Variants in ZNF484 observed in about 807,000 individuals in gnomAD.
ZNF484 encodes KRAB box containing C2H2 type zinc finger bA526D8.4.
A neutral mutation model predicts 12.9 loss-of-function variants in ZNF484; 11 were observed. That is an observed-to-expected ratio of 0.85 (90% CI 0.54 to 1.41). ZNF484 has a LOEUF of 1.41. Ranked by LOEUF, ZNF484 falls within the 40% of genes most tolerant of loss-of-function variation. The probability of loss-of-function intolerance (pLI) is 0.00; values close to 1 mark genes in which losing one functional copy is unlikely to be tolerated. For synonymous variants in ZNF484, 289 were observed against 334.1 expected (o/e 0.86, Z 1.47); for missense variants, 807 against 1,007.7 (o/e 0.80, Z 2.70).
At position 92,850,642 on chromosome 9, in the gene ZNF484, G is replaced by A. The variant is rs564254045; in HGVS notation, c.236-2091C>T. Among the ~76,000 whole-genome samples the A allele has an allele frequency of 2.6e-5, 4 of 152,268 alleles. 1 individual carries two copies. In the South Asian group the frequency reaches 8.3e-4, roughly 32 times the overall value. On this transcript the variant is annotated intron_variant, in intron 4 of 4. Transcript: ENST00000375495. ...CAGGCTGGAGTGGCTGGAGTGCAAT[G>A]GCGCGATCTCGGCTCACTGCAACCT...
At chr9:92,863,909 A>G (rs1035928005) in intron 2 of ZNF484, among the ~76,000 whole-genome samples, 2 of 152,354 alleles carry the variant, frequency 1.3e-5, no homozygotes, top group South Asian at 2.1e-4. Context: ...CACCTGATAA[A>G]GGAGAATGTA....
Position 92,877,951 on chromosome 9 carries a change from G to T in ZNF484, c.-92C>A. The T allele has an allele frequency of 5.8e-6, 8 of 1,373,942 alleles. No homozygotes were observed. Among genetic ancestry groups the T allele is most frequent in the Non-Finnish European group, 8.0e-6 (8 of 1,003,662 alleles). 85.1% of individuals were successfully genotyped at this position (1,373,942 alleles called of 1,614,324 possible). A position where few individuals can be genotyped will look rare whatever the true frequency, so the allele number is the denominator to read the frequency against. ...TTTGCCTCGGGAGGTGACTATAGTC[G>T]CAAGAACCAGAACAGGACCCACTTC... is the stretch of plus-strand genomic sequence containing the variant. On this transcript the variant is annotated 5_prime_UTR_variant, in exon 1 of 5. Transcript: ENST00000375495.
At chr9:92,851,928 G>A (rs1383103929) in intron 4 of ZNF484, among the ~76,000 whole-genome samples, 1 of 152,198 alleles carries the variant, frequency 6.6e-6, no homozygotes, top group Non-Finnish European at 1.5e-5. Context: ...AATTGGCATA[G>A]ATGTGCACGT....
At position 92,846,437 on chromosome 9, in the gene ZNF484, C is replaced by T; in HGVS notation, c.2350G>A (p.Ala784Thr). Reference protein sequence around the residue: ...KPYICAECGKAFTIRSNLIKH... With the variant: ...KPYICAECGKTFTIRSNLIKH... ...ATAAGATTTGATCTGATGGTGAAGG[C>T]CTTTCCACACTCAGCACATATATAT... Residue 784 changes from alanine to threonine, a missense_variant, in exon 5 of 5, where the codon GCC (alanine) becomes ACC (threonine). By Grantham distance (58) the Ala-to-Thr change is moderately conservative. Coordinates refer to ENST00000375495, the MANE Select transcript of ZNF484 (RefSeq NM_031486.4). 6.2e-7 allele frequency: 1 copy of T among 1,614,096 alleles called. No individual in the cohort carries two copies. The highest frequency in any genetic ancestry group is 8.5e-7 in the Non-Finnish European group (1 of 1,179,996).
chr9:92,848,241 T>G lies in ZNF484; in HGVS notation c.546A>C (p.Gly182=), dbSNP rs774130401. 1 of 1,614,216 alleles carries G rather than the reference T, an allele frequency of 6.2e-7. No individual in the cohort carries two copies. Among genetic ancestry groups the G allele is most frequent in the Admixed American group, 1.7e-5 (1 of 60,028 alleles). ...AGGTTATGATAGGCTCCAAATTCTT[T>G]CCACACGAGTTACAGTTATGGGGTC... ...RKRPHNCNSC[G]KNLEPIITLY... The change falls in exon 5 of 5, where the codon GGA becomes GGC. Residue 182 remains glycine, a synonymous_variant. Coordinates refer to ENST00000375495, the MANE Select transcript of ZNF484 (RefSeq NM_031486.4). The surrounding 1 kb of genome is among the most constrained non-coding windows in gnomAD (Gnocchi z 4.1).
chr9:92,871,625 G>C (rs563432619), intron 2 of ZNF484, among the ~76,000 whole-genome samples: 1 of 152,306 alleles, frequency 6.6e-6, no homozygotes, highest in South Asian at 2.1e-4. Context: ...TCACACTAAG[G>C]AAGAATTATA....
chr9:92,847,754 T>G lies in ZNF484; in HGVS notation c.1033A>C (p.Arg345=), dbSNP rs375230184. ...RAFIQKSDLF[R]CQRIHSGEKP... ...TCTCCAGAATGAATTCTCTGGCATCTGAACAGATCTGACTTCTGGATAAAG... is the reference window on the plus strand; with the variant it reads ...TCTCCAGAATGAATTCTCTGGCATCGGAACAGATCTGACTTCTGGATAAAG... Residue 345 remains arginine (R), a synonymous_variant, in exon 5 of 5, where the codon AGA becomes CGA. Coordinates refer to ENST00000375495, the MANE Select transcript of ZNF484 (RefSeq NM_031486.4). 29 of 1,613,836 alleles carry G rather than the reference T, an allele frequency of 1.8e-5. No individual in the cohort carries two copies. Among genetic ancestry groups the G allele is most frequent in the Non-Finnish European group, 2.4e-5 (28 of 1,180,034 alleles).
In ZNF484 at chr9:92,848,244, A is replaced by C; in HGVS notation, c.543T>G (p.Cys181Trp). Residue 181 changes from cysteine to tryptophan, a missense_variant, in exon 5 of 5, where the codon TGT (cysteine) becomes TGG (tryptophan). Physicochemically the swap from Cys to Trp is radical, Grantham distance 215. Transcript: ENST00000375495. This position sits in a 1 kb window ranked among gnomAD's most constrained non-coding sequence, Gnocchi z 4.1. ...TTATGATAGGCTCCAAATTCTTTCC[A>C]CACGAGTTACAGTTATGGGGTCTTT... is the stretch of plus-strand genomic sequence containing the variant. ...SRKRPHNCNS[C>W]GKNLEPIITL... The C allele has an allele frequency of 6.2e-7, 1 of 1,614,196 alleles. No homozygotes were observed. The highest frequency in any genetic ancestry group is 1.3e-5 in the African/African-American group (1 of 75,050).
At chr9:92,851,296 T>C (rs998292189) in intron 4 of ZNF484, among the ~76,000 whole-genome samples, 1 of 152,266 alleles carries the variant, frequency 6.6e-6, no homozygotes, top group Non-Finnish European at 1.5e-5. Context: ...AATCCAGGCC[T>C]CTATCCAAAA....
intron 2 of ZNF484, among the ~76,000 whole-genome samples, chr9:92,857,918 CA>C (rs1856559894): frequency 6.6e-6 from 1 of 152,200 alleles, no homozygotes; most frequent in Admixed American, 6.5e-5. Flanking sequence ...CTACCATGCC[CA>C]GCTAATTTGT....
chr9:92,860,310 A>T (rs185233942), intron 2 of ZNF484, among the ~76,000 whole-genome samples: 149 of 152,248 alleles, frequency 9.8e-4, no homozygotes, highest in African/African-American at 3.5e-3. Context: ...ACTGCACAAC[A>T]ATATACTTGA....
Position 92,848,187 on chromosome 9 carries a change from A to C in ZNF484, c.600T>G (p.Asn200Lys). ...CACCATCTCCAATAGTCTTATCAGA[A>C]TTTTCTGTTGCATTGTTTCTATTAT... is the stretch of plus-strand genomic sequence containing the variant. Reference protein sequence around the residue: ...TLYNRNNATENSDKTIGDGDI... With the variant: ...TLYNRNNATEKSDKTIGDGDI... Residue 200 changes from asparagine (N) to lysine (K), a missense_variant, in exon 5 of 5, where the codon AAT (asparagine) becomes AAG (lysine). By Grantham distance (94) the Asn-to-Lys change is moderately conservative. Coordinates refer to ENST00000375495, the MANE Select transcript of ZNF484 (RefSeq NM_031486.4). The surrounding 1 kb of genome is among the most constrained non-coding windows in gnomAD (Gnocchi z 4.1). 3 of 1,614,044 alleles carry C rather than the reference A, an allele frequency of 1.9e-6. No individual in the cohort carries two copies. The highest frequency in any genetic ancestry group is 2.5e-6 in the Non-Finnish European group (3 of 1,180,024).
chr9:92,869,975 G>A lies in ZNF484; in HGVS notation c.15+5040C>T, dbSNP rs548752734. Reference sequence around the variant, plus strand: ...AGAGGCAGTTATAACTGACCAAAACGTATAAGACTATGCTTAATATATGAA... The same window carrying A: ...AGAGGCAGTTATAACTGACCAAAACATATAAGACTATGCTTAATATATGAA... On this transcript the variant is annotated intron_variant, in intron 2 of 4. Coordinates refer to ENST00000375495, the MANE Select transcript of ZNF484 (RefSeq NM_031486.4). 1.7e-4 allele frequency among the ~76,000 whole-genome samples: 26 copies of A among 152,232 alleles called. No individual in the cohort carries two copies. In the South Asian group the frequency reaches 4.2e-3, roughly 24 times the overall value.
intron 2 of ZNF484, among the ~76,000 whole-genome samples, chr9:92,862,924 C>G (rs565509637): frequency 2.0e-4 from 31 of 152,068 alleles, no homozygotes; most frequent in Non-Finnish European, 5.9e-5. Context: ...GGTTATATAC[C>G]CAAAGGAATA....
chr9:92,875,863 TTG>T (rs1482940763), intron 1 of ZNF484, among the ~76,000 whole-genome samples: 1 of 149,886 alleles, frequency 6.7e-6, no homozygotes. Context: ...CTAAATCTAA[TTG>T]TGAAAAACCA....
In ZNF484 at chr9:92,844,286, C is replaced by T. The variant is rs1047666854; in HGVS notation, c.*1942G>A. The stretch of plus-strand genomic sequence containing the variant: ...TTCAAGAAAAATAACCATTAGAAAA[C>T]AGGCCAACAGAACTGGGTAATAAGG... On this transcript the variant is annotated 3_prime_UTR_variant, in exon 5 of 5. Coordinates refer to ENST00000375495, the MANE Select transcript of ZNF484 (RefSeq NM_031486.4). 1.3e-5 allele frequency among the ~76,000 whole-genome samples: 2 copies of T among 152,014 alleles called. No homozygotes were observed. The highest frequency in any genetic ancestry group is 2.9e-5 in the Non-Finnish European group (2 of 67,986).
intron 3 of ZNF484, 106 bp downstream of exon 3, chr9:92,856,086 G>C (rs1856431626): frequency 6.7e-7 from 1 of 1,494,282 alleles, no homozygotes; most frequent in Non-Finnish European, 9.1e-7. Context: ...GCAGTCTTTA[G>C]AAGTCCCACA....
intron 4 of ZNF484, among the ~76,000 whole-genome samples, chr9:92,850,220 A>AT (rs1218308571): frequency 1.3e-5 from 2 of 152,240 alleles, no homozygotes; most frequent in Non-Finnish European, 2.9e-5. Context: ...GTTTAGTTAA[A>AT]TTTGCCCAAA....
Position 92,856,192 on chromosome 9 carries a change from C to T in ZNF484, c.142G>A (p.Gly48Arg). 1 of 1,613,540 alleles carries T rather than the reference C, an allele frequency of 6.2e-7. No homozygotes were observed. Among genetic ancestry groups the T allele is most frequent in the Non-Finnish European group, 8.5e-7 (1 of 1,179,850 alleles). Residue 48 changes from glycine (G) to arginine (R), a missense_variant and splice_region_variant, in exon 3 of 5, where the codon GGA becomes AGA. Coordinates refer to ENST00000375495, the MANE Select transcript of ZNF484 (RefSeq NM_031486.4). ...CTATACCCAGCAGAGCCGTGCTTAC[C>T]CACTGAGATCAAGTTGAAATAGTTT... ...LENYFNLISVGCQVPKPEVIF... is the reference protein window; with the variant it reads ...LENYFNLISVRCQVPKPEVIF...
Sources: allele counts gnomAD v4.1 joint callset (sites outside exome capture counted in the v4.1 genomes callset), GRCh38; gene constraint gnomAD v4.1.1; non-coding constraint Gnocchi (gnomAD v3.1); transcripts MANE v1.5; gene names NCBI Gene and HGNC (gene_info 2026-07-23, HGNC 2026-07-21).